The following HSD17B12 variants were observed in gnomAD, a reference collection of about 807,000 sequenced individuals.
The protein encoded by HSD17B12 is hydroxysteroid 17-beta dehydrogenase 12.
A neutral mutation model predicts 39.3 loss-of-function variants in HSD17B12; 32 were observed. The observed-to-expected ratio is 0.81, with a 90% CI of 0.61 to 1.09. The LOEUF is 1.09. HSD17B12 is among the 50% of genes least tolerant of loss of function. HSD17B12 has a pLI of 0.00. For missense variants in HSD17B12, 342 were observed against 382.9 expected (o/e 0.89, Z 0.89); for synonymous variants, 150 against 146.7 (o/e 1.02, Z -0.16).
chr11:43,824,306 A>G (rs780489895), intron 6 of HSD17B12, among the ~76,000 whole-genome samples: 7 of 152,200 alleles, frequency 4.6e-5, no homozygotes, highest in Non-Finnish European at 1.0e-4. Context: ...ATGTACTCAA[A>G]CAGAATAACT....
the HSD17B12 span, chr11:43,644,870 G>C: frequency 6.6e-6 from 1 of 152,190 alleles, no homozygotes; most frequent in Non-Finnish European, 1.5e-5. Flanking sequence ...TCCTACTTGT[G>C]AAATGCCTTC....
rs538672410 is a variant in HSD17B12 at position 43,720,435 on chromosome 11, T to C, written c.161-30476T>C. ...ACAGTCTTGCCAAACATTCCACCAC[T>C]GTGTAACATGAGGCACTCTCTCTCC... On this transcript the variant is annotated intron_variant, in intron 1 of 10. Coordinates refer to ENST00000278353, the MANE Select transcript of HSD17B12 (RefSeq NM_016142.3). 6.6e-5 allele frequency among the ~76,000 whole-genome samples: 10 copies of C among 152,370 alleles called. 1 individual carries two copies. The East Asian group carries it at 1.7e-3, about 26-fold the overall frequency.
chr11:43,777,669 A>C (rs1445796038), intron 3 of HSD17B12, among the ~76,000 whole-genome samples: 1 of 152,228 alleles, frequency 6.6e-6, no homozygotes, highest in African/African-American at 2.4e-5. Flanking sequence ...AAGAGAGGGC[A>C]TCCCTGTCTT....
intron 3 of HSD17B12, among the ~76,000 whole-genome samples, chr11:43,779,998 C>T (rs1017774154): frequency 6.6e-6 from 1 of 152,110 alleles, no homozygotes. Context: ...AATAATTTTG[C>T]TGACCTGTAT....
At chr11:43,576,927 C>T in the HSD17B12 span, among the ~76,000 whole-genome samples, 3 of 152,046 alleles carry the variant, frequency 2.0e-5, no homozygotes, top group South Asian at 4.2e-4. Context: ...TCTCGATGGC[C>T]CCCTCCCCTC....
the HSD17B12 span, among the ~76,000 whole-genome samples, chr11:43,643,311 T>G: frequency 1.3e-5 from 2 of 152,166 alleles, no homozygotes; most frequent in African/African-American, 4.8e-5. Flanking sequence ...TAATCTTTAC[T>G]GAAATTATGG....
chr11:43,711,032 A>G lies in HSD17B12; in HGVS notation c.160+30045A>G, dbSNP rs566178698. On this transcript the variant is annotated intron_variant, in intron 1 of 10. Coordinates refer to ENST00000278353, the MANE Select transcript of HSD17B12 (RefSeq NM_016142.3). ...GGTCTCGAACTCCTGACCTCAAGTG[A>G]TCCACCCACCTTAGCTTCCCAAAGT... 5.3e-5 allele frequency among the ~76,000 whole-genome samples: 8 copies of G among 152,290 alleles called. No homozygotes were observed. In the South Asian group the frequency reaches 6.2e-4, roughly 12 times the overall value.
At chr11:43,691,129 G>A (rs1004620075) in intron 1 of HSD17B12, among the ~76,000 whole-genome samples, 3 of 152,020 alleles carry the variant, frequency 2.0e-5, no homozygotes, top group Non-Finnish European at 4.4e-5. Flanking sequence ...TTATGTCATC[G>A]TCTTGCTAGT....
intron 3 of HSD17B12, among the ~76,000 whole-genome samples, chr11:43,757,664 A>AC: frequency 6.9e-6 from 1 of 144,528 alleles, no homozygotes; most frequent in East Asian, 1.9e-4. Context: ...AAAAAAAAAA[A>AC]AAACAAATAG....
chr11:43,695,263 C>T (rs189997933), intron 1 of HSD17B12, among the ~76,000 whole-genome samples: 5 of 152,176 alleles, frequency 3.3e-5, no homozygotes, highest in African/African-American at 4.8e-5. Context: ...CCACCGTGTC[C>T]GGCCCAGATG....
At chr11:43,820,576 GTGGC>G in intron 6 of HSD17B12, among the ~76,000 whole-genome samples, 1 of 152,322 alleles carries the variant, frequency 6.6e-6, no homozygotes, top group African/African-American at 2.4e-5. Context: ...AGGTTTTATT[GTGGC>G]TGGACATCAG....
the HSD17B12 span, among the ~76,000 whole-genome samples, chr11:43,635,975 T>C: frequency 6.6e-6 from 1 of 152,214 alleles, no homozygotes; most frequent in Non-Finnish European, 1.5e-5. Flanking sequence ...TTCTATGTAG[T>C]ATTCTGGGGA....
At chr11:43,813,281 G>T (rs1170060980) in intron 4 of HSD17B12, among the ~76,000 whole-genome samples, 1 of 151,868 alleles carries the variant, frequency 6.6e-6, no homozygotes, top group African/African-American at 2.4e-5. Context: ...AAAGTTCCTA[G>T]ATTTTTTTTA....
At chr11:43,748,418 C>A (rs533096128) in intron 1 of HSD17B12, among the ~76,000 whole-genome samples, 4 of 152,022 alleles carry the variant, frequency 2.6e-5, no homozygotes, top group African/African-American at 7.2e-5. Flanking sequence ...ACTGAGCACA[C>A]GTGGAAATAA....
At chr11:43,785,612 C>T (rs1183244970) in intron 3 of HSD17B12, among the ~76,000 whole-genome samples, 1 of 152,164 alleles carries the variant, frequency 6.6e-6, no homozygotes, top group Non-Finnish European at 1.5e-5. Context: ...TCTGGCTTTA[C>T]ATGGATGCGT....
chr11:43,731,233 G>T (rs1280470607), intron 1 of HSD17B12, among the ~76,000 whole-genome samples: 1 of 152,144 alleles, frequency 6.6e-6, no homozygotes, highest in Non-Finnish European at 1.5e-5. Context: ...CTGACCTCAG[G>T]TGATCTGCCC....
intron 1 of HSD17B12, among the ~76,000 whole-genome samples, chr11:43,682,920 T>C (rs1949763347): frequency 6.6e-6 from 1 of 151,716 alleles, no homozygotes; most frequent in Admixed American, 6.6e-5. Flanking sequence ...GCCTCCTGAG[T>C]AGCTGGGACT....
chr11:43,688,488 G>A (rs1389223093), intron 1 of HSD17B12, among the ~76,000 whole-genome samples: 1 of 152,148 alleles, frequency 6.6e-6, no homozygotes, highest in Non-Finnish European at 1.5e-5. Flanking sequence ...CAGAAAGAAC[G>A]CTTTGTTTTA....
chr11:43,622,435 AAAAAT>A, the HSD17B12 span, among the ~76,000 whole-genome samples: 4 of 152,082 alleles, frequency 2.6e-5, no homozygotes, highest in Non-Finnish European at 5.9e-5. Context: ...CATTTCTACA[AAAAAT>A]AAAATAAAAT....
Sources: allele counts gnomAD v4.1 joint callset (sites outside exome capture counted in the v4.1 genomes callset), GRCh38; gene constraint gnomAD v4.1.1; transcripts MANE v1.5; gene names NCBI Gene and HGNC (gene_info 2026-07-23, HGNC 2026-07-21).